The following FBXW4 variants were observed in gnomAD, a reference collection of about 807,000 sequenced individuals.
FBXW4 encodes the protein F-box and WD repeat domain containing 4.
FBXW4 carries 40 observed loss-of-function variants against 61.8 expected under a neutral mutation model. The observed-to-expected ratio is 0.65, with a 90% CI of 0.50 to 0.84. The LOEUF (loss-of-function observed/expected upper bound fraction) is 0.84. Among genes scored for constraint, FBXW4 ranks in the 40% least tolerant of loss-of-function variants. FBXW4 has a pLI of 0.00. For missense variants in FBXW4, 672 were observed against 753.8 expected, an observed-to-expected ratio of 0.89 and a Z score of 1.27; for synonymous variants, 311 against 313.8, an observed-to-expected ratio of 0.99 and a Z score of 0.10.
chr10:101,654,540 A>T (rs1270667422), intron 5 of FBXW4, among the ~76,000 whole-genome samples: 1 of 152,176 alleles, frequency 6.6e-6, no homozygotes, highest in African/African-American at 2.4e-5. Context: ...CTTTTTTCTA[A>T]TTATAAAATA....
At chr10:101,635,420 C>G (rs903027789) in intron 5 of FBXW4, among the ~76,000 whole-genome samples, 1 of 151,436 alleles carries the variant, frequency 6.6e-6, no homozygotes, top group East Asian at 1.9e-4. Context: ...GACTCACCCC[C>G]CTCCCACCCC....
Position 101,694,622 on chromosome 10 carries a change from C to T in FBXW4, c.484G>A (p.Glu162Lys), listed in dbSNP as rs746085418. The T allele has an allele frequency of 7.0e-7, 1 of 1,431,858 alleles. No individual in the cohort carries two copies. Among genetic ancestry groups the T allele is most frequent in the Non-Finnish European group, 9.1e-7 (1 of 1,102,480 alleles). 88.7% of individuals were successfully genotyped at this position (1,431,858 alleles called of 1,614,324 possible). A position where few individuals can be genotyped will look rare whatever the true frequency, so the allele number is the denominator to read the frequency against. ...TGVAMAAAAG[E>K]EEEEEEAARE... ...GCCGCCTCCTCCTCCTCCTCCTCCT[C>T]CCCGGCCGCCGCCGCCATGGCCACC... The change falls in exon 1 of 9, where the codon GAG (glutamate) becomes AAG (lysine). Residue 162 changes from glutamate to lysine, a missense_variant. Physicochemically the swap from Glu to Lys is moderately conservative, Grantham distance 56. Coordinates refer to ENST00000331272, the MANE Select transcript of FBXW4 (RefSeq NM_022039.4). The surrounding 1 kb of genome is among the most constrained non-coding windows in gnomAD (Gnocchi z 6.0).
chr10:101,668,891 C>G (rs1423803344), intron 4 of FBXW4, among the ~76,000 whole-genome samples: 1 of 152,170 alleles, frequency 6.6e-6, no homozygotes, highest in Non-Finnish European at 1.5e-5. Context: ...ACAGCAGCAA[C>G]AGAGGGATCC....
intron 5 of FBXW4, among the ~76,000 whole-genome samples, chr10:101,661,173 G>A (rs1231151896): frequency 6.6e-6 from 1 of 152,218 alleles, no homozygotes; most frequent in East Asian, 1.9e-4. Flanking sequence ...GCTTCTACTT[G>A]TAGGGTTTCA....
Position 101,611,851 on chromosome 10 carries a change from A to G in FBXW4, c.1443-82T>C. On this transcript the variant is annotated intron_variant, in intron 7 of 8. Transcript: ENST00000331272. This position sits in a 1 kb window ranked among gnomAD's most constrained non-coding sequence, Gnocchi z 4.9. ...AGCTTTCTTGGGCCTAGAGTGGCTG[A>G]GGGGAGCGTTAAGGAGCCATTCCGG... 1 of 1,495,768 alleles carries G rather than the reference A, an allele frequency of 6.7e-7. No homozygotes were observed. The highest frequency in any genetic ancestry group is 9.0e-7 in the Non-Finnish European group (1 of 1,113,482). The allele number at this position is 1,495,768 out of a possible 1,614,324, so 92.7% of individuals were successfully genotyped here. A position where few individuals can be genotyped will look rare whatever the true frequency, so the allele number is the denominator to read the frequency against.
At chr10:101,668,308 C>T (rs2064326546) in intron 4 of FBXW4, among the ~76,000 whole-genome samples, 2 of 152,192 alleles carry the variant, frequency 1.3e-5, no homozygotes, top group South Asian at 4.1e-4. Context: ...GGGCTTGCCT[C>T]TTTTGACAGC....
chr10:101,654,331 A>C (rs1344696107), intron 5 of FBXW4, among the ~76,000 whole-genome samples: 2 of 152,240 alleles, frequency 1.3e-5, no homozygotes, highest in East Asian at 1.9e-4. Flanking sequence ...TTTTCTAAAA[A>C]TCATGGAATT....
intron 1 of FBXW4, among the ~76,000 whole-genome samples, chr10:101,684,725 T>C (rs1446695152): frequency 1.3e-5 from 2 of 152,374 alleles, no homozygotes; most frequent in East Asian, 3.9e-4. Context: ...ACCTTCTAAC[T>C]TTTCATTTAT....
rs1365352820 is a variant in FBXW4 at position 101,694,144 on chromosome 10, C to A, written c.725+237G>T. 1.3e-5 allele frequency among the ~76,000 whole-genome samples: 2 copies of A among 152,038 alleles called. No individual in the cohort carries two copies. Among genetic ancestry groups the A allele is most frequent in the African/African-American group, 4.8e-5 (2 of 41,416 alleles). On this transcript the variant is annotated intron_variant, in intron 1 of 8. Transcript: ENST00000331272. The surrounding 1 kb of genome is among the most constrained non-coding windows in gnomAD (Gnocchi z 6.0). Reference sequence around the variant, plus strand: ...GGCTAATTGTGAGGAGCGGCCCACCCGGGAGGGTGCCTACTGAGGGATGCT... The same window carrying A: ...GGCTAATTGTGAGGAGCGGCCCACCAGGGAGGGTGCCTACTGAGGGATGCT...
chr10:101,612,252 TC>T, intron 7 of FBXW4, 84 bp downstream of exon 7: 1 of 1,357,596 alleles, frequency 7.4e-7, no homozygotes, highest in Non-Finnish European at 9.5e-7. Flanking sequence ...CTGTGCCCTC[TC>T]CCATGGGCCA....
At position 101,695,125 on chromosome 10, in the gene FBXW4, C is replaced by T. The variant is rs866567894; in HGVS notation, c.-20G>A. The T allele has an allele frequency of 4.1e-5, 40 of 985,126 alleles. 1 individual carries two copies. In the Middle Eastern group the frequency reaches 1.6e-3, roughly 38 times the overall value. 61.0% of individuals were successfully genotyped at this position (985,126 alleles called of 1,614,324 possible). On this transcript the variant is annotated 5_prime_UTR_variant, in exon 1 of 9. Transcript: ENST00000331272. This position sits in a 1 kb window ranked among gnomAD's most constrained non-coding sequence, Gnocchi z 4.2. ...GCCCATGAGCGGCCGCGGGGCCGGC[C>T]CGACGCGGAGCCCAGCCCGAGCCGC...
intron 4 of FBXW4, among the ~76,000 whole-genome samples, chr10:101,669,208 AG>A (rs1255018315): frequency 2.0e-5 from 3 of 152,160 alleles, no homozygotes; most frequent in Non-Finnish European, 4.4e-5. Flanking sequence ...ATCCTAAATG[AG>A]GAGGGGCAGA....
At chr10:101,669,857 C>CCATTCT (rs1197429883) in intron 4 of FBXW4, among the ~76,000 whole-genome samples, 1 of 151,700 alleles carries the variant, frequency 6.6e-6, no homozygotes, top group African/African-American at 2.4e-5. Flanking sequence ...TGGGTTCATG[C>CCATTCT]CATTCTCCTG....
intron 7 of FBXW4, 45 bp downstream of exon 7, chr10:101,612,292 G>C (rs762201748): frequency 2.0e-6 from 3 of 1,475,714 alleles, no homozygotes; most frequent in Non-Finnish European, 2.7e-6. Flanking sequence ...GACCAGGATT[G>C]GTGCAGGGCC....
chr10:101,619,400 T>G (rs987148723), intron 6 of FBXW4, among the ~76,000 whole-genome samples: 2 of 152,168 alleles, frequency 1.3e-5, no homozygotes, highest in African/African-American at 4.8e-5. Flanking sequence ...GGCTCACACC[T>G]GTAATCCCAG....
At chr10:101,660,835 G>T (rs1401389876) in intron 5 of FBXW4, among the ~76,000 whole-genome samples, 1 of 152,202 alleles carries the variant, frequency 6.6e-6, no homozygotes, top group African/African-American at 2.4e-5. Flanking sequence ...CCAAGGCCCT[G>T]TCTCAACCTC....
intron 5 of FBXW4, among the ~76,000 whole-genome samples, chr10:101,657,941 G>A (rs2064204407): frequency 1.3e-5 from 2 of 152,172 alleles, no homozygotes; most frequent in Admixed American, 6.5e-5. Flanking sequence ...TTCTACTAGT[G>A]TACAACATGG....
At chr10:101,666,333 C>T (rs1356040078) in intron 5 of FBXW4, among the ~76,000 whole-genome samples, 1 of 152,056 alleles carries the variant, frequency 6.6e-6, no homozygotes, top group East Asian at 1.9e-4. Context: ...CTCCATTCTC[C>T]GGGGTCAGCA....
intron 2 of FBXW4, among the ~76,000 whole-genome samples, chr10:101,675,248 C>A (rs1366148999): frequency 6.6e-6 from 1 of 152,114 alleles, no homozygotes; most frequent in Non-Finnish European, 1.5e-5. Context: ...TATCCCCTTG[C>A]GTGAGTGTGT....
Sources: gnomAD v4.1 joint callset for allele counts (sites outside exome capture counted in the v4.1 genomes callset) on GRCh38, gnomAD v4.1.1 for gene constraint, Gnocchi (gnomAD v3.1) non-coding constraint, MANE v1.5 for transcripts, NCBI Gene and HGNC (gene_info 2026-07-23, HGNC 2026-07-21) for gene names.